Variants in TENM2 observed in about 807,000 individuals in gnomAD.
TENM2 encodes teneurin-2.
Under a neutral mutation model 245.2 loss-of-function variants are expected in TENM2, and 52 were observed. The observed-to-expected ratio is 0.21, with a 90% CI of 0.17 to 0.27. TENM2 has a LOEUF of 0.27. Among genes scored for constraint, TENM2 ranks in the 10% least tolerant of loss-of-function variants. The pLI is 1.00. For missense variants in TENM2, 3,046 were observed against 3,666.8 expected (o/e 0.83, Z 4.37); for synonymous variants, 1,363 against 1,438.9 (o/e 0.95, Z 1.19).
At chr5:168,065,369 T>C (rs1377799676) in intron 7 of TENM2, among the ~76,000 whole-genome samples, 1 of 152,194 alleles carries the variant, frequency 6.6e-6, no homozygotes, top group Non-Finnish European at 1.5e-5. Flanking sequence ...GAATGTAGAC[T>C]CTGCCACACA....
At chr5:168,195,200 A>G (rs951335178) in exon 15 of TENM2, 2 of 1,606,428 alleles carry the variant, frequency 1.2e-6, no homozygotes, top group African/African-American at 1.3e-5. Flanking sequence ...TCCGAGGCCA[A>G]GTAGTAACTA....
chr5:166,986,337 T>C, the TENM2 span, among the ~76,000 whole-genome samples: 2 of 152,176 alleles, frequency 1.3e-5, no homozygotes, highest in Non-Finnish European at 2.9e-5. Flanking sequence ...TTTCTTCTCT[T>C]TTTTTACTCT....
the TENM2 span, among the ~76,000 whole-genome samples, chr5:167,101,052 A>C: frequency 6.6e-6 from 1 of 152,260 alleles, no homozygotes. Flanking sequence ...ATACAAAAAT[A>C]ACCAAAATTT....
At chr5:167,253,734 C>T in the TENM2 span, among the ~76,000 whole-genome samples, 16 of 152,024 alleles carry the variant, frequency 1.1e-4, no homozygotes, top group Non-Finnish European at 1.8e-4. Context: ...ATTCTGTGAT[C>T]GTGCAGTATT....
At chr5:167,026,699 A>C in the TENM2 span, among the ~76,000 whole-genome samples, 1 of 152,134 alleles carries the variant, frequency 6.6e-6, no homozygotes, top group African/African-American at 2.4e-5. Context: ...ACTTTTAGAG[A>C]TGGGGCTTGA....
chr5:168,245,049 G>C (rs1193175712), intron 26 of TENM2, among the ~76,000 whole-genome samples: 1 of 152,090 alleles, frequency 6.6e-6, no homozygotes, highest in Non-Finnish European at 1.5e-5. Context: ...TTACAGGTAT[G>C]AGTCACCGCA....
At chr5:167,680,655 G>A (rs1429861576) in intron 2 of TENM2, among the ~76,000 whole-genome samples, 5 of 152,246 alleles carry the variant, frequency 3.3e-5, no homozygotes, top group South Asian at 2.1e-4. Context: ...GAGAGACGAC[G>A]GTGGCCCAGA....
intron 3 of TENM2, among the ~76,000 whole-genome samples, chr5:167,882,229 A>G (rs895498316): frequency 1.3e-5 from 2 of 152,320 alleles, no homozygotes; most frequent in African/African-American, 4.8e-5. Context: ...AATACCCTTT[A>G]CGCCCACTGT....
chr5:167,364,698 C>T (rs967866065), intron 1 of TENM2, among the ~76,000 whole-genome samples: 6 of 151,652 alleles, frequency 4.0e-5, no homozygotes, highest in African/African-American at 9.7e-5. Context: ...TTTAAGATCA[C>T]GAGAATTACA....
At chr5:167,964,947 A>G (rs1451275581) in intron 4 of TENM2, among the ~76,000 whole-genome samples, 1 of 152,176 alleles carries the variant, frequency 6.6e-6, no homozygotes, top group Non-Finnish European at 1.5e-5. Flanking sequence ...TTTGCTTTTA[A>G]TAATGATAGC....
intron 11 of TENM2, 86 bp downstream of exon 13, chr5:168,125,136 T>A: frequency 8.5e-7 from 1 of 1,174,604 alleles, no homozygotes; most frequent in Non-Finnish European, 1.2e-6. Flanking sequence ...AATCTACTCT[T>A]AATACTTAGC....
At chr5:167,974,062 G>A (rs1583534061) in intron 4 of TENM2, among the ~76,000 whole-genome samples, 1 of 14,730 alleles carries the variant, frequency 6.8e-5, no homozygotes, top group Non-Finnish European at 1.1e-4. Context: ...AGGAAAGGAG[G>A]GAGGGAGGGA....
At chr5:167,429,383 A>G (rs1223346456) in intron 2 of TENM2, among the ~76,000 whole-genome samples, 5 of 152,158 alleles carry the variant, frequency 3.3e-5, no homozygotes, top group Non-Finnish European at 5.9e-5. Flanking sequence ...TACTTACTGC[A>G]CATCTCCTCT....
At chr5:167,119,954 G>A in the TENM2 span, among the ~76,000 whole-genome samples, 1 of 152,176 alleles carries the variant, frequency 6.6e-6, no homozygotes, top group Non-Finnish European at 1.5e-5. Context: ...CCCAACCTGG[G>A]AATGGGGCTT....
chr5:167,999,448 T>A (rs1232867222), intron 5 of TENM2, among the ~76,000 whole-genome samples: 2 of 152,226 alleles, frequency 1.3e-5, no homozygotes, highest in Non-Finnish European at 2.9e-5. Flanking sequence ...GCTTACACAC[T>A]GGTGAGTCTT....
At chr5:167,506,491 T>C (rs1168700871) in intron 2 of TENM2, among the ~76,000 whole-genome samples, 1 of 152,090 alleles carries the variant, frequency 6.6e-6, no homozygotes, top group Admixed American at 6.6e-5. Context: ...AAAAGGAAAA[T>C]AATTTGGTAT....
At chr5:167,123,142 AC>A in the TENM2 span, among the ~76,000 whole-genome samples, 2 of 144,810 alleles carry the variant, frequency 1.4e-5, no homozygotes, top group Non-Finnish European at 1.5e-5. Context: ...TACTAAAAAT[AC>A]AAAAAAAAAA....
intron 2 of TENM2, among the ~76,000 whole-genome samples, chr5:167,562,403 T>C (rs1773651206): frequency 6.6e-6 from 1 of 151,874 alleles, no homozygotes; most frequent in African/African-American, 2.4e-5. Context: ...ATGGGGAGAA[T>C]GAGGTGTGGG....
intron 1 of TENM2, among the ~76,000 whole-genome samples, chr5:167,288,567 A>T (rs940297014): frequency 1.3e-5 from 2 of 152,044 alleles, no homozygotes; most frequent in Non-Finnish European, 1.5e-5. Flanking sequence ...TCAAAAAAAA[A>T]AAAAAAAGAA....
Sources: gnomAD v4.1 joint callset for allele counts (sites outside exome capture counted in the v4.1 genomes callset) on GRCh38, gnomAD v4.1.1 for gene constraint, MANE v1.5 for transcripts, NCBI Gene and HGNC (gene_info 2026-07-23, HGNC 2026-07-21) for gene names.